The following MORN1 variants were observed in gnomAD, a reference collection of about 807,000 sequenced individuals.
MORN1 encodes MORN repeat-containing protein 1.
MORN1 carries 67 observed loss-of-function variants against 61.9 expected under a neutral mutation model. The ratio of observed to expected loss-of-function variants is 1.08; its 90% CI spans 0.89 to 1.33. MORN1 has a LOEUF of 1.33. MORN1 is among the 40% of genes most tolerant of loss of function. MORN1 has a pLI of 0.00. For missense variants in MORN1, 752 were observed against 691.2 expected (o/e 1.09, Z -0.99); for synonymous variants, 301 against 292.0 (o/e 1.03, Z -0.31).
chr1:2,330,286 T>C (rs942977655), intron 12 of MORN1, among the ~76,000 whole-genome samples: 4 of 152,092 alleles, frequency 2.6e-5, no homozygotes, highest in Non-Finnish European at 5.9e-5. Flanking sequence ...ATAGGCCCAG[T>C]GGGTGGCCAG....
intron 6 of MORN1, among the ~76,000 whole-genome samples, chr1:2,380,512 A>G (rs572122536): frequency 1.5e-4 from 23 of 152,298 alleles, no homozygotes; most frequent in Admixed American, 4.6e-4. Flanking sequence ...TTTACGTTAC[A>G]TGGATTTTAC....
chr1:2,340,564 G>A (rs12730276), intron 10 of MORN1, among the ~76,000 whole-genome samples: 32,954 of 152,184 alleles, frequency 0.22, 3,854 homozygotes, highest in Non-Finnish European at 0.27. Context: ...GGACTGCAGT[G>A]GGTCCCTAGG....
chr1:2,358,272 C>T (rs1419538189), intron 9 of MORN1, among the ~76,000 whole-genome samples: 1 of 152,100 alleles, frequency 6.6e-6, no homozygotes, highest in African/African-American at 2.4e-5. Flanking sequence ...GACCCTCCTC[C>T]CAGGAGCACC....
chr1:2,323,416 T>G, intron 13 of MORN1: 1 of 985,430 alleles, frequency 1.0e-6, no homozygotes. Context: ...GTCATTCATG[T>G]TGGCCCAGGT....
chr1:2,370,943 C>T (rs948261869), intron 8 of MORN1, among the ~76,000 whole-genome samples: 8 of 150,708 alleles, frequency 5.3e-5, no homozygotes, highest in African/African-American at 2.0e-4. Flanking sequence ...CGGTGGCTCA[C>T]GTCTGTAATC....
At chr1:2,354,626 T>G (rs1035160199) in intron 10 of MORN1, among the ~76,000 whole-genome samples, 2 of 152,120 alleles carry the variant, frequency 1.3e-5, no homozygotes, top group African/African-American at 4.8e-5. Flanking sequence ...TGGACTTGAC[T>G]GCACCAGACC....
intron 13 of MORN1, chr1:2,322,333 C>T (rs931913251): frequency 2.0e-6 from 2 of 985,338 alleles, no homozygotes; most frequent in Admixed American, 6.1e-5. Flanking sequence ...GGCCCGGGCT[C>T]ACACCAGGAA....
chr1:2,374,804 G>A (rs2100342805), intron 6 of MORN1: 1 of 476,840 alleles, frequency 2.1e-6, no homozygotes, highest in East Asian at 3.5e-5. Flanking sequence ...GGAGGTATGG[G>A]AACAACGGCA....
intron 10 of MORN1, among the ~76,000 whole-genome samples, chr1:2,355,663 C>T (rs913143221): frequency 1.3e-5 from 2 of 152,192 alleles, no homozygotes; most frequent in South Asian, 2.1e-4. Flanking sequence ...AACTCGGGGC[C>T]GAGTGACCGG....
chr1:2,359,648 C>T (rs938732789), intron 8 of MORN1, among the ~76,000 whole-genome samples: 2 of 152,088 alleles, frequency 1.3e-5, no homozygotes, highest in African/African-American at 4.8e-5. Flanking sequence ...TTTGGGAGGC[C>T]GAGGCGGGTG....
At chr1:2,373,821 T>C (rs1171155689) in intron 7 of MORN1, among the ~76,000 whole-genome samples, 1 of 152,180 alleles carries the variant, frequency 6.6e-6, no homozygotes, top group Non-Finnish European at 1.5e-5. Context: ...CCCTGTGACC[T>C]CTCCCAGCTA....
Position 2,337,119 on chromosome 1 carries a change from C to A in MORN1, c.1037-269G>T, listed in dbSNP as rs1227155101. 6.6e-6 allele frequency among the ~76,000 whole-genome samples: 1 copy of A among 152,184 alleles called. No homozygotes were observed. The highest frequency in any genetic ancestry group is 1.5e-5 in the Non-Finnish European group (1 of 68,020). On this transcript the variant is annotated intron_variant, in intron 10 of 13. Coordinates refer to ENST00000378531, the MANE Select transcript of MORN1 (RefSeq NM_024848.3). The surrounding 1 kb of genome is among the most constrained non-coding windows in gnomAD (Gnocchi z 5.7). ...TGAGTCCACCCCAGCGCCAGGGAGC[C>A]CAGCGCTTTGCAGTGGGAAGGGTCT...
At chr1:2,322,321 C>CT in intron 13 of MORN1, 1 of 985,482 alleles carries the variant, frequency 1.0e-6, no homozygotes, top group Non-Finnish European at 1.2e-6. Flanking sequence ...AGCGCCTCGG[C>CT]TGGCCCGGGC....
At chr1:2,339,443 C>T (rs530592621) in intron 10 of MORN1, among the ~76,000 whole-genome samples, 2 of 152,328 alleles carry the variant, frequency 1.3e-5, no homozygotes, top group South Asian at 4.1e-4. Flanking sequence ...CTGGCTGTGA[C>T]CGCCTTTCCC....
chr1:2,329,469 G>A (rs1400991883), intron 12 of MORN1, among the ~76,000 whole-genome samples: 1 of 152,208 alleles, frequency 6.6e-6, no homozygotes, highest in Non-Finnish European at 1.5e-5. Context: ...CGATCCCATT[G>A]TCCTGGGAGT....
chr1:2,323,970 C>A (rs755198678), intron 13 of MORN1, 127 bp downstream of exon 13: 2 of 1,455,170 alleles, frequency 1.4e-6, no homozygotes, highest in South Asian at 1.4e-5. Context: ...CAGTCCCCCA[C>A]CCACTGCCAC....
At chr1:2,387,718 T>C (rs1431167878) in intron 3 of MORN1, 189 bp from the exon 4 acceptor site, 1 of 593,782 alleles carries the variant, frequency 1.7e-6, no homozygotes, top group African/African-American at 1.9e-5. Context: ...CCCCAACAGC[T>C]GGGCATGCAG....
rs531311258 is a variant in MORN1 at position 2,340,734 on chromosome 1, A to G, written c.1037-3884T>C. Among the ~76,000 whole-genome samples, 144 of 152,202 alleles carry G rather than the reference A, an allele frequency of 9.5e-4. 3 individuals are homozygous for G. The highest frequency in any genetic ancestry group is 9.1e-3 in the Admixed American group (139 of 15,286). On this transcript the variant is annotated intron_variant, in intron 10 of 13. Coordinates refer to ENST00000378531, the MANE Select transcript of MORN1 (RefSeq NM_024848.3). ...CACAGGCCACGACGGGCCACCACAC[A>G]GGACACCAGACTGCCACACAGGCCA...
Position 2,336,489 on chromosome 1 carries a change from C to T in MORN1, c.1230G>A (p.Gln410=), listed in dbSNP as rs200664556. Residue 410 remains glutamine (Q), a synonymous_variant, in exon 12 of 14, where the codon CAG becomes CAA. Coordinates refer to ENST00000378531, the MANE Select transcript of MORN1 (RefSeq NM_024848.3). ...CCTACCTGCTGCCTCCAGGAGGCTC[C>T]TGTGCCGTGGGTGGTGTCCCCCTGG... ...LHPRGTPPTA[Q]EPPGGSRPEG... is the part of the protein sequence containing the mutation. 81 of 1,612,488 alleles carry T rather than the reference C, an allele frequency of 5.0e-5. No individual in the cohort carries two copies. The East Asian group carries it at 1.8e-3, about 36-fold the overall frequency.
Sources: gnomAD v4.1 joint callset for allele counts (sites outside exome capture counted in the v4.1 genomes callset) on GRCh38, gnomAD v4.1.1 for gene constraint, Gnocchi (gnomAD v3.1) non-coding constraint, MANE v1.5 for transcripts, NCBI Gene and HGNC (gene_info 2026-07-23, HGNC 2026-07-21) for gene names.